STAG1: variants seen among roughly 807,000 people sequenced by gnomAD.
STAG1 encodes cohesin subunit SA-1.
In STAG1, 26 loss-of-function variants were observed where a neutral mutation model predicts 170.9. That is an observed-to-expected ratio of 0.15 (90% CI 0.11 to 0.21). The LOEUF (loss-of-function observed/expected upper bound fraction) is 0.21, where lower values mean the gene tolerates loss of function less well. Ranked by LOEUF, STAG1 falls within the 10% of genes least tolerant of loss-of-function variation. The probability of loss-of-function intolerance (pLI) is 1.00; values close to 1 mark genes in which losing one functional copy is unlikely to be tolerated. For synonymous variants in STAG1, 514 were observed against 497.7 expected, an observed-to-expected ratio of 1.03 and a Z score of -0.44; for missense variants, 964 against 1,509.5, an observed-to-expected ratio of 0.64 and a Z score of 5.99.
chr3:136,676,436 G>A (rs549904159), intron 1 of STAG1, among the ~76,000 whole-genome samples: 1 of 152,074 alleles, frequency 6.6e-6, no homozygotes, highest in Non-Finnish European at 1.5e-5. Flanking sequence ...CACATTGTCT[G>A]GATATACAAA....
chr3:136,492,930 C>T (rs562852621), intron 9 of STAG1, among the ~76,000 whole-genome samples: 2 of 152,068 alleles, frequency 1.3e-5, no homozygotes, highest in Non-Finnish European at 2.9e-5. Flanking sequence ...AATAATAGCA[C>T]AAAGGAAGGA....
At chr3:136,626,488 T>G (rs1391056695) in intron 2 of STAG1, among the ~76,000 whole-genome samples, 1 of 152,008 alleles carries the variant, frequency 6.6e-6, no homozygotes, top group East Asian at 1.9e-4. Context: ...TTATGGGTCT[T>G]AAGTTCTCTA....
At chr3:136,694,111 G>A (rs1942808523) in intron 1 of STAG1, among the ~76,000 whole-genome samples, 1 of 152,136 alleles carries the variant, frequency 6.6e-6, no homozygotes, top group African/African-American at 2.4e-5. Context: ...CAGTTCATTT[G>A]GCTCTAGGAT....
chr3:136,646,597 C>G (rs1178443482), intron 1 of STAG1, among the ~76,000 whole-genome samples: 1 of 152,210 alleles, frequency 6.6e-6, no homozygotes, highest in African/African-American at 2.4e-5. Context: ...CTCTAGTGTT[C>G]CATAGCACTA....
intron 6 of STAG1, among the ~76,000 whole-genome samples, chr3:136,530,288 C>T (rs1935307330): frequency 6.6e-6 from 1 of 152,120 alleles, no homozygotes; most frequent in Non-Finnish European, 1.5e-5. Flanking sequence ...GACTTCAACA[C>T]CTCACTCTCA....
chr3:136,729,877 C>CTTTTTTTT, intron 1 of STAG1, among the ~76,000 whole-genome samples: 1 of 58,512 alleles, frequency 1.7e-5, no homozygotes, highest in Non-Finnish European at 3.0e-5. Flanking sequence ...CCACGCCAGG[C>CTTTTTTTT]TTTTTTTTTT....
chr3:136,715,976 T>C (rs1034625190), intron 1 of STAG1, among the ~76,000 whole-genome samples: 1 of 152,004 alleles, frequency 6.6e-6, no homozygotes, highest in African/African-American at 2.4e-5. Context: ...TGCATGCCAG[T>C]AGTCCCAGCT....
chr3:136,494,190 G>A (rs1178804501), intron 9 of STAG1, among the ~76,000 whole-genome samples: 1 of 152,178 alleles, frequency 6.6e-6, no homozygotes, highest in African/African-American at 2.4e-5. Context: ...AGGACTGCTT[G>A]AGCCCAGGAC....
intron 13 of STAG1, among the ~76,000 whole-genome samples, chr3:136,458,878 T>C (rs2089194025): frequency 6.6e-6 from 1 of 152,136 alleles, no homozygotes; most frequent in African/African-American, 2.4e-5. Context: ...CAGAAGTGGA[T>C]ATATTTGTTA....
chr3:136,648,020 G>C (rs960972305), intron 1 of STAG1, among the ~76,000 whole-genome samples: 3 of 152,292 alleles, frequency 2.0e-5, no homozygotes, highest in Admixed American at 1.3e-4. Context: ...CAGATTGTCA[G>C]GGATTTGCTT....
chr3:136,670,776 T>G (rs1168963292), intron 1 of STAG1, among the ~76,000 whole-genome samples: 1 of 151,912 alleles, frequency 6.6e-6, no homozygotes, highest in African/African-American at 2.4e-5. Flanking sequence ...CCGGACTTGT[T>G]TTTTCTTTTT....
chr3:136,540,546 G>A (rs1451062799), intron 6 of STAG1, among the ~76,000 whole-genome samples: 3 of 151,810 alleles, frequency 2.0e-5, no homozygotes, highest in Admixed American at 6.6e-5. Flanking sequence ...ATTTGGCCAG[G>A]CATGGTGGCT....
chr3:136,660,163 C>G (rs1280515352), intron 1 of STAG1, among the ~76,000 whole-genome samples: 1 of 152,110 alleles, frequency 6.6e-6, no homozygotes, highest in Non-Finnish European at 1.5e-5. Context: ...CAGGAAAAAT[C>G]ATTCTTTTGG....
intron 9 of STAG1, among the ~76,000 whole-genome samples, chr3:136,496,821 G>T (rs962432300): frequency 6.6e-6 from 1 of 150,958 alleles, no homozygotes; most frequent in Non-Finnish European, 1.5e-5. Context: ...AAAAATAATA[G>T]AAAAATTCAA....
intron 4 of STAG1, among the ~76,000 whole-genome samples, chr3:136,573,043 G>T (rs1028306158): frequency 2.0e-5 from 3 of 152,138 alleles, no homozygotes; most frequent in Non-Finnish European, 2.9e-5. Flanking sequence ...GTTGGGCACA[G>T]TGGCACATGC....
At chr3:136,349,120 C>T (rs755383975) in intron 29 of STAG1, 38 bp downstream of exon 29, 22 of 1,466,998 alleles carry the variant, frequency 1.5e-5, no homozygotes, top group Non-Finnish European at 2.1e-5. Flanking sequence ...TCTTTAAAAC[C>T]AGGCAAATTG....
chr3:136,661,412 T>C (rs1164957972), intron 1 of STAG1, among the ~76,000 whole-genome samples: 1 of 152,218 alleles, frequency 6.6e-6, no homozygotes, highest in East Asian at 1.9e-4. Flanking sequence ...CGGAAATGTC[T>C]ACACCTGACC....
chr3:136,452,605 T>C lies in STAG1; in HGVS notation c.1314-458A>G, dbSNP rs936694339. 9.9e-5 allele frequency among the ~76,000 whole-genome samples: 15 copies of C among 150,968 alleles called. No homozygotes were observed. In the East Asian group the frequency reaches 2.9e-3, roughly 30 times the overall value. Reference sequence around the variant, plus strand: ...GATTATTCATCTATTTCAATAGAAATATGTAACTGATGTCATTATAGGTCG... The same window carrying C: ...GATTATTCATCTATTTCAATAGAAACATGTAACTGATGTCATTATAGGTCG... On this transcript the variant is annotated intron_variant, in intron 13 of 33. Coordinates refer to ENST00000383202, the MANE Select transcript of STAG1 (RefSeq NM_005862.3).
chr3:136,461,438 A>C (rs1016614780), intron 13 of STAG1, among the ~76,000 whole-genome samples: 2 of 152,214 alleles, frequency 1.3e-5, no homozygotes, highest in Non-Finnish European at 2.9e-5. Flanking sequence ...CTCCGCCCAA[A>C]AAATTGTTGT....
Sources: gnomAD v4.1 joint callset for allele counts (sites outside exome capture counted in the v4.1 genomes callset) on GRCh38, gnomAD v4.1.1 for gene constraint, MANE v1.5 for transcripts, NCBI Gene and HGNC (gene_info 2026-07-23, HGNC 2026-07-21) for gene names.